Variants in AP2B1 observed in about 807,000 individuals in gnomAD.
AP2B1 encodes the protein AP-2 complex subunit beta.
Under a neutral mutation model 102.0 loss-of-function variants are expected in AP2B1, and 23 were observed. That is an observed-to-expected ratio of 0.23 (90% CI 0.16 to 0.32). AP2B1 has a LOEUF of 0.32. Ranked by LOEUF, AP2B1 falls within the 10% of genes least tolerant of loss-of-function variation. AP2B1 has a pLI of 1.00. For synonymous variants in AP2B1, 381 were observed against 421.2 expected, an observed-to-expected ratio of 0.90 and a Z score of 1.17; for missense variants, 541 against 1,157.4, an observed-to-expected ratio of 0.47 and a Z score of 7.73.
intron 18 of AP2B1, among the ~76,000 whole-genome samples, chr17:35,692,882 A>T (rs891888840): frequency 2.6e-5 from 4 of 152,180 alleles, no homozygotes; most frequent in African/African-American, 7.2e-5. Flanking sequence ...CTTGGCAGTG[A>T]TGGGAAAATC....
chr17:35,616,853 A>G, intron 5 of AP2B1, among the ~76,000 whole-genome samples: 1 of 152,204 alleles, frequency 6.6e-6, no homozygotes, highest in Non-Finnish European at 1.5e-5. Flanking sequence ...CTCTAGAACC[A>G]AATAGATTTG....
At chr17:35,715,004 A>G (rs1403581441) in intron 20 of AP2B1, among the ~76,000 whole-genome samples, 1 of 152,256 alleles carries the variant, frequency 6.6e-6, no homozygotes, top group Non-Finnish European at 1.5e-5. Flanking sequence ...AAGCCTCCTT[A>G]TATCTGGCTT....
At chr17:35,616,142 CT>C (rs71152739) in intron 5 of AP2B1, among the ~76,000 whole-genome samples, 13 of 57,436 alleles carry the variant, frequency 2.3e-4, no homozygotes, top group Admixed American at 6.1e-4. Flanking sequence ...AAAAATATCT[CT>C]TTTTTTTTTT....
intron 5 of AP2B1, among the ~76,000 whole-genome samples, chr17:35,611,947 A>T (rs1168148560): frequency 6.6e-6 from 1 of 152,230 alleles, no homozygotes; most frequent in Non-Finnish European, 1.5e-5. Flanking sequence ...CAACAAATCA[A>T]AACGTGACTT....
intron 3 of AP2B1, among the ~76,000 whole-genome samples, chr17:35,602,401 G>A (rs2073519127): frequency 6.6e-6 from 1 of 152,162 alleles, no homozygotes; most frequent in African/African-American, 2.4e-5. Context: ...GAAATAAAAT[G>A]GAGATTAGCT....
intron 1 of AP2B1, among the ~76,000 whole-genome samples, chr17:35,592,710 ATTTTGTATTTT>A (rs1313764379): frequency 6.6e-6 from 1 of 152,002 alleles, no homozygotes; most frequent in African/African-American, 2.4e-5. Flanking sequence ...GCCCAGCTAA[ATTTTGTATTTT>A]TAGCAGAGAC....
intron 5 of AP2B1, among the ~76,000 whole-genome samples, chr17:35,619,604 A>G (rs1598063532): frequency 6.6e-6 from 1 of 152,154 alleles, no homozygotes; most frequent in East Asian, 1.9e-4. Flanking sequence ...TTACACATCT[A>G]CATGTGCTGC....
intron 5 of AP2B1, chr17:35,621,351 A>T (rs2074171622): frequency 1.0e-6 from 1 of 985,068 alleles, no homozygotes; most frequent in African/African-American, 1.7e-5. Context: ...AGGAAAACTG[A>T]GAGTGCTGCC....
intron 12 of AP2B1, among the ~76,000 whole-genome samples, chr17:35,644,435 T>C (rs2074868991): frequency 1.3e-5 from 2 of 152,166 alleles, no homozygotes; most frequent in African/African-American, 4.8e-5. Flanking sequence ...TGGAGTGCAG[T>C]GGCGTGATCT....
chr17:35,597,849 A>T (rs2073344857), intron 2 of AP2B1, among the ~76,000 whole-genome samples: 1 of 152,286 alleles, frequency 6.6e-6, no homozygotes, highest in South Asian at 2.1e-4. Context: ...AAATGAGGTA[A>T]TACGCGCCTG....
intron 2 of AP2B1, among the ~76,000 whole-genome samples, chr17:35,594,625 A>AC (rs2073204260): frequency 6.6e-6 from 1 of 152,202 alleles, no homozygotes; most frequent in African/African-American, 2.4e-5. Flanking sequence ...ATGAATAGAA[A>AC]TGAGTTATTT....
At chr17:35,700,443 GA>G (rs1488593745) in intron 18 of AP2B1, among the ~76,000 whole-genome samples, 2 of 151,786 alleles carry the variant, frequency 1.3e-5, no homozygotes, top group African/African-American at 2.4e-5. Flanking sequence ...AGAAATAAAA[GA>G]AAAAAATAAT....
At chr17:35,649,914 G>A (rs117619352) in intron 12 of AP2B1, among the ~76,000 whole-genome samples, 1,550 of 151,888 alleles carry the variant, frequency 0.01, 12 homozygotes, top group Middle Eastern at 0.014. Context: ...GGTACATGCG[G>A]CTCTACACCC....
At chr17:35,683,690 A>C (rs2075872242) in intron 18 of AP2B1, among the ~76,000 whole-genome samples, 1 of 152,226 alleles carries the variant, frequency 6.6e-6, no homozygotes, top group African/African-American at 2.4e-5. Flanking sequence ...AGGCAACATG[A>C]AGGCAGAGCA....
chr17:35,686,321 A>G (rs771678598), intron 18 of AP2B1, among the ~76,000 whole-genome samples: 3 of 152,208 alleles, frequency 2.0e-5, no homozygotes, highest in Non-Finnish European at 1.5e-5. Context: ...AGAAACCTTA[A>G]TAAGTGTCTA....
chr17:35,687,126 TTA>T (rs910974507), intron 18 of AP2B1, among the ~76,000 whole-genome samples: 1 of 152,152 alleles, frequency 6.6e-6, no homozygotes, highest in African/African-American at 2.4e-5. Flanking sequence ...TTTTATTTAT[TTA>T]TTTTTTTTGA....
At chr17:35,659,800 T>C (rs2075317314) in intron 14 of AP2B1, 2 of 985,304 alleles carry the variant, frequency 2.0e-6, no homozygotes, top group African/African-American at 3.5e-5. Flanking sequence ...TTCTTCAGCT[T>C]ATTCTGAGAT....
At chr17:35,633,631 T>G (rs2074526068) in intron 9 of AP2B1, among the ~76,000 whole-genome samples, 1 of 152,170 alleles carries the variant, frequency 6.6e-6, no homozygotes, top group Non-Finnish European at 1.5e-5. Flanking sequence ...CCTCTTCCTC[T>G]TCCTTCGGGT....
At chr17:35,623,935 C>T (rs912017751) in intron 5 of AP2B1, among the ~76,000 whole-genome samples, 1 of 152,168 alleles carries the variant, frequency 6.6e-6, no homozygotes, top group Non-Finnish European at 1.5e-5. Context: ...CATATTCTCA[C>T]TCTAAGACTT....
Sources: allele counts gnomAD v4.1 joint callset (sites outside exome capture counted in the v4.1 genomes callset), GRCh38; gene constraint gnomAD v4.1.1; transcripts MANE v1.5; gene names NCBI Gene and HGNC (gene_info 2026-07-23, HGNC 2026-07-21).